RPSA2: variants seen among roughly 807,000 people sequenced by gnomAD.
The protein encoded by RPSA2 is small ribosomal subunit protein uS2B.
chr19:23,832,114 A>G, the RPSA2 span: 2 of 437,386 alleles, frequency 4.6e-6, no homozygotes, highest in Admixed American at 2.9e-5. Context: ...ACATAAAATA[A>G]TTTGTGCTGA....
chr19:23,821,934 A>G, the RPSA2 span, among the ~76,000 whole-genome samples: 1 of 151,952 alleles, frequency 6.6e-6, no homozygotes, highest in Non-Finnish European at 1.5e-5. Context: ...GTTAATGTAC[A>G]CCTCGGTGGC....
At chr19:23,780,366 G>A in the RPSA2 span, among the ~76,000 whole-genome samples, 3 of 152,108 alleles carry the variant, frequency 2.0e-5, no homozygotes, top group South Asian at 2.1e-4. Flanking sequence ...ACTATCGGCC[G>A]GGCGCGGTGG....
chr19:23,803,087 G>T, the RPSA2 span, among the ~76,000 whole-genome samples: 1 of 69,912 alleles, frequency 1.4e-5, no homozygotes, highest in African/African-American at 5.2e-5. Flanking sequence ...TACAAACTCT[G>T]AGATTTAATT....
the RPSA2 span, among the ~76,000 whole-genome samples, chr19:23,806,784 C>CA: frequency 0.35 from 24,684 of 70,084 alleles, 4,131 homozygotes; most frequent in East Asian, 0.53. Context: ...GACTGAGTCT[C>CA]AAAAAAAAAA....
chr19:23,868,837 T>G, the RPSA2 span, among the ~76,000 whole-genome samples: 1 of 152,094 alleles, frequency 6.6e-6, no homozygotes, highest in African/African-American at 2.4e-5. Context: ...TGGCCAACCA[T>G]GGGCCCGGTC....
At chr19:23,825,894 A>C in the RPSA2 span, among the ~76,000 whole-genome samples, 5 of 152,170 alleles carry the variant, frequency 3.3e-5, no homozygotes, top group East Asian at 9.7e-4. Flanking sequence ...CAGCCCATAA[A>C]ATTTTTATAA....
chr19:23,847,750 C>G, the RPSA2 span, among the ~76,000 whole-genome samples: 1 of 152,156 alleles, frequency 6.6e-6, no homozygotes, highest in Non-Finnish European at 1.5e-5. Flanking sequence ...CAGGGCGTAT[C>G]TCAGTACTTA....
At chr19:23,869,117 C>G in the RPSA2 span, among the ~76,000 whole-genome samples, 1 of 152,196 alleles carries the variant, frequency 6.6e-6, no homozygotes, top group Non-Finnish European at 1.5e-5. Flanking sequence ...GCAGTACAAC[C>G]TGTACTTTGG....
the RPSA2 span, among the ~76,000 whole-genome samples, chr19:23,868,466 A>G: frequency 1.3e-5 from 2 of 152,190 alleles, no homozygotes; most frequent in East Asian, 3.9e-4. Flanking sequence ...AATTCCTTAC[A>G]TTATAGACCA....
At chr19:23,860,027 G>A in the RPSA2 span, among the ~76,000 whole-genome samples, 1 of 152,108 alleles carries the variant, frequency 6.6e-6, no homozygotes, top group Non-Finnish European at 1.5e-5. Flanking sequence ...CTATCAAAGA[G>A]GGTACCAGAT....
chr19:23,813,546 A>C, the RPSA2 span, among the ~76,000 whole-genome samples: 1 of 152,040 alleles, frequency 6.6e-6, no homozygotes, highest in Non-Finnish European at 1.5e-5. Flanking sequence ...ATTTTTTTTA[A>C]GGCTGAATAA....
the RPSA2 span, among the ~76,000 whole-genome samples, chr19:23,811,841 T>TAC: frequency 1.5e-3 from 1 of 666 alleles, no homozygotes; most frequent in African/African-American, 2.9e-3. Flanking sequence ...ATATTTGGAT[T>TAC]AGTTTTATTT....
the RPSA2 span, among the ~76,000 whole-genome samples, chr19:23,772,855 C>A: frequency 2.0e-5 from 3 of 152,150 alleles, no homozygotes; most frequent in African/African-American, 7.2e-5. Flanking sequence ...ACTATCCAAA[C>A]CCAACCAACT....
the RPSA2 span, among the ~76,000 whole-genome samples, chr19:23,761,754 TC>T: frequency 6.6e-6 from 1 of 151,362 alleles, no homozygotes; most frequent in East Asian, 2.0e-4. Context: ...AAATTAAATA[TC>T]CCCGTTAGTG....
the RPSA2 span, among the ~76,000 whole-genome samples, chr19:23,838,388 G>A: frequency 2.0e-5 from 3 of 152,116 alleles, no homozygotes; most frequent in African/African-American, 7.2e-5. Flanking sequence ...ATATGGGTCT[G>A]TAGTTTTCTT....
the RPSA2 span, among the ~76,000 whole-genome samples, chr19:23,864,963 A>T: frequency 2.0e-5 from 3 of 152,204 alleles, no homozygotes; most frequent in African/African-American, 7.2e-5. Flanking sequence ...AGAAGCAAGG[A>T]GCCCTCTGAC....
At chr19:23,855,471 G>A in the RPSA2 span, among the ~76,000 whole-genome samples, 148,892 of 152,218 alleles carry the variant, frequency 0.98, 72,912 homozygotes, top group Middle Eastern at 1. Context: ...ACTTGTATCC[G>A]AGCATCAGGA....
At chr19:23,772,058 C>T in the RPSA2 span, among the ~76,000 whole-genome samples, 1 of 152,112 alleles carries the variant, frequency 6.6e-6, no homozygotes, top group Non-Finnish European at 1.5e-5. Context: ...GACCTACCAC[C>T]TATGGGATTG....
chr19:23,848,010 G>C, the RPSA2 span, among the ~76,000 whole-genome samples: 7 of 152,022 alleles, frequency 4.6e-5, no homozygotes, highest in African/African-American at 1.7e-4. Context: ...CTGCTATTCT[G>C]TTCTTTTTCA....
Sources: gnomAD v4.1 joint callset for allele counts (sites outside exome capture counted in the v4.1 genomes callset) on GRCh38, gnomAD v4.1.1 for gene constraint, MANE v1.5 for transcripts, NCBI Gene and HGNC (gene_info 2026-07-23, HGNC 2026-07-21) for gene names.